Variants in UQCC1 observed in about 807,000 individuals in gnomAD.
The protein encoded by UQCC1 is ubiquinol-cytochrome c reductase complex assembly factor 1, also known as bFGF-repressed Zic-binding protein.
UQCC1 carries 38 observed loss-of-function variants against 48.0 expected under a neutral mutation model. The observed-to-expected ratio is 0.79, with a 90% confidence interval of 0.61 to 1.04. The LOEUF is 1.04. UQCC1 is among the 50% of genes least tolerant of loss of function. The pLI, the probability that UQCC1 is intolerant of heterozygous loss-of-function variation, is 0.00. For missense variants in UQCC1, 368 were observed against 381.8 expected (o/e 0.96, Z 0.30); for synonymous variants, 111 against 129.2 (o/e 0.86, Z 0.95).
At chr20:35,394,576 C>G (rs984346960) in intron 1 of UQCC1, among the ~76,000 whole-genome samples, 1 of 152,160 alleles carries the variant, frequency 6.6e-6, no homozygotes, top group Non-Finnish European at 1.5e-5. Flanking sequence ...TTTAATCAAT[C>G]ATGCCAACAA....
intron 6 of UQCC1, among the ~76,000 whole-genome samples, chr20:35,352,739 G>A (rs536880368): frequency 6.6e-6 from 1 of 152,290 alleles, no homozygotes; most frequent in Non-Finnish European, 1.5e-5. Context: ...CTGCAGTGCT[G>A]TGATACAATC....
intron 1 of UQCC1, among the ~76,000 whole-genome samples, chr20:35,395,510 A>T (rs2062065312): frequency 1.3e-5 from 2 of 150,312 alleles, no homozygotes; most frequent in Admixed American, 6.7e-5. Flanking sequence ...TTATAAATAA[A>T]TAAAAAAAAA....
chr20:35,402,617 T>A (rs918119756), intron 1 of UQCC1, among the ~76,000 whole-genome samples: 36 of 141,288 alleles, frequency 2.5e-4, no homozygotes, highest in African/African-American at 5.4e-4. Flanking sequence ...ACAAACAAAA[T>A]ATATATATAT....
intron 7 of UQCC1, among the ~76,000 whole-genome samples, chr20:35,342,550 C>G (rs549661809): frequency 6.6e-6 from 1 of 152,296 alleles, no homozygotes; most frequent in Admixed American, 6.5e-5. Flanking sequence ...TCTGCCTGCA[C>G]CAGGAGAAAG....
chr20:35,407,123 T>C (rs2062263359), intron 1 of UQCC1, among the ~76,000 whole-genome samples: 1 of 152,134 alleles, frequency 6.6e-6, no homozygotes, highest in Non-Finnish European at 1.5e-5. Context: ...TTCTTGGACA[T>C]GATATCAAAA....
chr20:35,341,235 AAAAGAAAG>A (rs903993886), intron 7 of UQCC1, among the ~76,000 whole-genome samples: 3 of 148,440 alleles, frequency 2.0e-5, no homozygotes, highest in African/African-American at 5.0e-5. Context: ...AAAAAAAAAA[AAAAGAAAG>A]AAAGAAAGAA....
At chr20:35,337,842 A>G (rs1301200486) in intron 7 of UQCC1, among the ~76,000 whole-genome samples, 2 of 152,052 alleles carry the variant, frequency 1.3e-5, no homozygotes, top group Non-Finnish European at 2.9e-5. Context: ...CCCCATTTTA[A>G]TTTATCTTAA....
At chr20:35,402,650 G>A (rs1042668540) in intron 1 of UQCC1, among the ~76,000 whole-genome samples, 6 of 151,226 alleles carry the variant, frequency 4.0e-5, no homozygotes, top group East Asian at 1.9e-4. Flanking sequence ...TAAATTAGCC[G>A]GGCATGGTGG....
intron 1 of UQCC1, among the ~76,000 whole-genome samples, chr20:35,401,491 C>T (rs1164154807): frequency 6.6e-6 from 1 of 152,146 alleles, no homozygotes; most frequent in Non-Finnish European, 1.5e-5. Context: ...GCCAGGAACA[C>T]ACACATTGGC....
intron 1 of UQCC1, among the ~76,000 whole-genome samples, chr20:35,395,125 C>T (rs2062058820): frequency 6.6e-6 from 1 of 152,086 alleles, no homozygotes; most frequent in African/African-American, 2.4e-5. Context: ...GCTCTCCAAA[C>T]CCAGGGATTT....
chr20:35,317,462 A>T (rs1302679572), intron 7 of UQCC1, among the ~76,000 whole-genome samples: 1 of 152,244 alleles, frequency 6.6e-6, no homozygotes, highest in Non-Finnish European at 1.5e-5. Context: ...TGTGAAGCTC[A>T]AGGCTGGAAA....
intron 6 of UQCC1, among the ~76,000 whole-genome samples, chr20:35,351,942 G>A (rs1427507385): frequency 6.6e-6 from 1 of 152,242 alleles, no homozygotes; most frequent in East Asian, 1.9e-4. Context: ...ATGCTGTGGG[G>A]ATTATAGTGA....
At chr20:35,342,703 T>C (rs1423483481) in intron 7 of UQCC1, among the ~76,000 whole-genome samples, 1 of 152,218 alleles carries the variant, frequency 6.6e-6, no homozygotes, top group Non-Finnish European at 1.5e-5. Context: ...ACAAAGATTT[T>C]TAAGAAGCAG....
intron 8 of UQCC1, 200 bp from the exon 9 acceptor site, chr20:35,306,979 A>C (rs1251674362): frequency 3.3e-6 from 2 of 613,824 alleles, no homozygotes; most frequent in Non-Finnish European, 6.0e-6. Flanking sequence ...TCATTTTATT[A>C]CATACAGAGG....
At chr20:35,391,205 T>TA (rs1224580658) in intron 2 of UQCC1, among the ~76,000 whole-genome samples, 1 of 148,912 alleles carries the variant, frequency 6.7e-6, no homozygotes, top group African/African-American at 2.5e-5. Flanking sequence ...AAAAAATGAA[T>TA]AAAAAATAAA....
intron 7 of UQCC1, 61 bp downstream of exon 7, chr20:35,347,103 C>G (rs1409138289): frequency 6.2e-7 from 1 of 1,614,168 alleles, no homozygotes; most frequent in South Asian, 1.1e-5. Context: ...ACAGATAAAA[C>G]TCCAAACTCA....
intron 1 of UQCC1, among the ~76,000 whole-genome samples, chr20:35,406,952 C>A (rs945039779): frequency 5.3e-5 from 8 of 152,168 alleles, no homozygotes; most frequent in Non-Finnish European, 1.0e-4. Flanking sequence ...AATCCCAGGG[C>A]AGCCACTAAG....
chr20:35,371,826 A>C (rs2061735985), intron 5 of UQCC1, among the ~76,000 whole-genome samples: 1 of 151,960 alleles, frequency 6.6e-6, no homozygotes, highest in South Asian at 2.1e-4. Context: ...CCTGGGCAAC[A>C]TAGTGAGACC....
At chr20:35,405,268 A>G (rs1434965033) in intron 1 of UQCC1, among the ~76,000 whole-genome samples, 1 of 152,222 alleles carries the variant, frequency 6.6e-6, no homozygotes, top group Non-Finnish European at 1.5e-5. Context: ...CCACTAAGCT[A>G]TCTAAGCAGA....
Sources: allele counts gnomAD v4.1 joint callset (sites outside exome capture counted in the v4.1 genomes callset), GRCh38; gene constraint gnomAD v4.1.1; transcripts MANE v1.5; gene names NCBI Gene and HGNC (gene_info 2026-07-23, HGNC 2026-07-21).